The following IL15 variants were observed in gnomAD, a reference collection of about 807,000 sequenced individuals.
The protein encoded by IL15 is interleukin-15.
A neutral mutation model predicts 19.6 loss-of-function variants in IL15; 11 were observed. The ratio of observed to expected loss-of-function variants is 0.56; its 90% CI spans 0.35 to 0.93. IL15 has a LOEUF of 0.93. Among genes scored for constraint, IL15 ranks in the 40% least tolerant of loss-of-function variants. The pLI is 0.01. For synonymous variants in IL15, 58 were observed against 59.6 expected, an observed-to-expected ratio of 0.97 and a Z score of 0.12; for missense variants, 197 against 186.5, an observed-to-expected ratio of 1.06 and a Z score of -0.33.
At chr4:141,658,365 G>T (rs1331558259) in intron 2 of IL15, among the ~76,000 whole-genome samples, 1 of 152,004 alleles carries the variant, frequency 6.6e-6, no homozygotes, top group Non-Finnish European at 1.5e-5. Flanking sequence ...TTTTATAGCA[G>T]TGCGAGAATG....
At chr4:141,690,265 G>A in intron 2 of IL15, among the ~76,000 whole-genome samples, 1 of 152,180 alleles carries the variant, frequency 6.6e-6, no homozygotes, top group East Asian at 1.9e-4. Context: ...GCAAGCTGAG[G>A]GAGCTGGCTC....
At chr4:141,648,953 G>A (rs1727317261) in intron 1 of IL15, among the ~76,000 whole-genome samples, 1 of 152,134 alleles carries the variant, frequency 6.6e-6, no homozygotes, top group Non-Finnish European at 1.5e-5. Flanking sequence ...TGCTGTGAAG[G>A]ATAAAAAGAC....
intron 1 of IL15, chr4:141,637,316 T>G (rs190548567): frequency 5.3e-5 from 8 of 152,318 alleles, no homozygotes; most frequent in Admixed American, 1.3e-4. Context: ...TCCCTACCTT[T>G]GCAAAATCAA....
At chr4:141,662,066 A>G (rs1727809752) in intron 2 of IL15, among the ~76,000 whole-genome samples, 1 of 152,220 alleles carries the variant, frequency 6.6e-6, no homozygotes, top group Admixed American at 6.5e-5. Flanking sequence ...TTCAGAGAAT[A>G]AAACATTGAG....
intron 5 of IL15, among the ~76,000 whole-genome samples, chr4:141,725,229 C>T (rs1390142487): frequency 6.6e-6 from 1 of 152,136 alleles, no homozygotes; most frequent in Non-Finnish European, 1.5e-5. Flanking sequence ...AATGCAACAC[C>T]TCTCATGGCC....
At chr4:141,665,471 A>G (rs1259347857) in intron 2 of IL15, among the ~76,000 whole-genome samples, 1 of 152,062 alleles carries the variant, frequency 6.6e-6, no homozygotes. Flanking sequence ...TTTAAAAATT[A>G]TTTTCACCAG....
intron 1 of IL15, chr4:141,637,307 C>T (rs562636531): frequency 2.6e-5 from 4 of 152,392 alleles, no homozygotes; most frequent in African/African-American, 9.6e-5. Flanking sequence ...GCGCGTCTAT[C>T]CCTACCTTTG....
chr4:141,725,759 T>A (rs1278375221), intron 5 of IL15, among the ~76,000 whole-genome samples: 5 of 152,186 alleles, frequency 3.3e-5, no homozygotes, highest in Non-Finnish European at 7.4e-5. Flanking sequence ...AGCAGGGATA[T>A]CTTCTCTCAC....
At chr4:141,648,607 C>G (rs1320071711) in intron 1 of IL15, among the ~76,000 whole-genome samples, 2 of 151,902 alleles carry the variant, frequency 1.3e-5, no homozygotes, top group Admixed American at 1.3e-4. Flanking sequence ...TCTTGTTATG[C>G]TGTTAAAAAA....
At chr4:141,711,034 G>A (rs936794933) in intron 2 of IL15, among the ~76,000 whole-genome samples, 1 of 152,018 alleles carries the variant, frequency 6.6e-6, no homozygotes, top group Non-Finnish European at 1.5e-5. Context: ...CTGAAAAGGA[G>A]GATGAGATAA....
chr4:141,666,346 C>A (rs911546515), intron 2 of IL15, among the ~76,000 whole-genome samples: 1 of 152,030 alleles, frequency 6.6e-6, no homozygotes, highest in Non-Finnish European at 1.5e-5. Context: ...TCGCTCCCCA[C>A]CTTTTAATTT....
At chr4:141,707,225 T>A (rs1284959715) in intron 2 of IL15, among the ~76,000 whole-genome samples, 2 of 152,142 alleles carry the variant, frequency 1.3e-5, no homozygotes, top group Admixed American at 1.3e-4. Context: ...TAAATTTTCA[T>A]TTATCAAATT....
intron 2 of IL15, among the ~76,000 whole-genome samples, chr4:141,670,913 C>A (rs753171272): frequency 6.6e-6 from 1 of 152,090 alleles, no homozygotes; most frequent in Non-Finnish European, 1.5e-5. Context: ...GCTAAAACAA[C>A]TAGTATGGAG....
intron 2 of IL15, chr4:141,704,651 GC>G: frequency 3.1e-6 from 1 of 318,982 alleles, no homozygotes; most frequent in Non-Finnish European, 6.4e-6. Context: ...GTGGAATTCA[GC>G]AGTGAAGCTT....
At chr4:141,669,550 C>T (rs1001352115) in intron 2 of IL15, among the ~76,000 whole-genome samples, 1 of 152,020 alleles carries the variant, frequency 6.6e-6, no homozygotes, top group African/African-American at 2.4e-5. Context: ...AGGATAATGG[C>T]TGCATCATGT....
intron 2 of IL15, chr4:141,718,062 T>C (rs891142348): frequency 2.0e-5 from 3 of 152,230 alleles, no homozygotes; most frequent in African/African-American, 7.2e-5. Context: ...AACCACACTC[T>C]ATGGTGGAGT....
At chr4:141,728,128 T>C (rs72948207) in intron 6 of IL15, 144 bp downstream of exon 6, 81 of 535,298 alleles carry the variant, frequency 1.5e-4, no homozygotes, top group African/African-American at 1.5e-3. Flanking sequence ...GTTTTATTAG[T>C]GATTATTGAG....
chr4:141,639,296 C>G (rs1157172717), intron 1 of IL15, among the ~76,000 whole-genome samples: 3 of 152,126 alleles, frequency 2.0e-5, no homozygotes, highest in Non-Finnish European at 4.4e-5. Context: ...TACTTATTTT[C>G]AGGCAGCGTT....
At chr4:141,689,542 G>T (rs1214822756) in intron 2 of IL15, among the ~76,000 whole-genome samples, 1 of 151,856 alleles carries the variant, frequency 6.6e-6, no homozygotes, top group Non-Finnish European at 1.5e-5. Flanking sequence ...CAAACCTTGA[G>T]CTAGATACAG....
Sources: gnomAD v4.1 joint callset for allele counts (sites outside exome capture counted in the v4.1 genomes callset) on GRCh38, gnomAD v4.1.1 for gene constraint, MANE v1.5 for transcripts, NCBI Gene and HGNC (gene_info 2026-07-23, HGNC 2026-07-21) for gene names.